GLP2R: variants seen among roughly 807,000 people sequenced by gnomAD.
GLP2R encodes the protein glucagon-like peptide 2 receptor.
In GLP2R, 59 loss-of-function variants were observed where a neutral mutation model predicts 68.2. The observed-to-expected ratio is 0.87, with a 90% CI of 0.70 to 1.07. The LOEUF (loss-of-function observed/expected upper bound fraction) is 1.07. GLP2R is among the 50% of genes least tolerant of loss of function. The pLI is 0.00. For missense variants in GLP2R, 548 were observed against 677.4 expected (o/e 0.81, Z 2.12); for synonymous variants, 270 against 265.4 (o/e 1.02, Z -0.17).
At chr17:9,850,782 C>A (rs914949802) in intron 4 of GLP2R, among the ~76,000 whole-genome samples, 4 of 151,000 alleles carry the variant, frequency 2.6e-5, no homozygotes, top group South Asian at 2.1e-4. Flanking sequence ...CAACCTCCAC[C>A]TCCAGGGTTC....
intron 1 of GLP2R, among the ~76,000 whole-genome samples, chr17:9,828,066 G>A (rs73976628): frequency 0.12 from 18,461 of 151,786 alleles, 1,253 homozygotes; most frequent in East Asian, 0.26. Context: ...CAATCCCCAT[G>A]TAGGGCAGGC....
rs764516620 is a variant in GLP2R at position 9,873,556 on chromosome 17, C to CTCTT, written c.1145+2722_1145+2723insCTTT. Among the ~76,000 whole-genome samples, 9 of 52,062 alleles carry CTCTT rather than the reference C, an allele frequency of 1.7e-4. No homozygotes were observed. In the Admixed American group the frequency reaches 2.3e-3, roughly 13 times the overall value. The allele number at this position is 52,062 out of a possible 152,430, so 34.2% of individuals were successfully genotyped here. A position where few individuals can be genotyped will look rare whatever the true frequency, so the allele number is the denominator to read the frequency against. ...GGATATCACAAAAACTATGCATGGA[C>CTCTT]TTTTTTTTTTTTTTTTTTTTTTTAG... On this transcript the variant is annotated intron_variant, in intron 10 of 12. Coordinates refer to ENST00000262441, the MANE Select transcript of GLP2R (RefSeq NM_004246.3).
chr17:9,873,775 G>A (rs2067119584), intron 10 of GLP2R, among the ~76,000 whole-genome samples: 1 of 152,034 alleles, frequency 6.6e-6, no homozygotes, highest in Admixed American at 6.5e-5. Flanking sequence ...TAATGAATAA[G>A]CATTAGTTAA....
chr17:9,873,602 T>C (rs1036220444), intron 10 of GLP2R, among the ~76,000 whole-genome samples: 2 of 140,428 alleles, frequency 1.4e-5, no homozygotes, highest in African/African-American at 5.2e-5. Flanking sequence ...ATTGTTAGTG[T>C]TAGTTTATTT....
In GLP2R at chr17:9,854,587, C is replaced by T; in HGVS notation, c.597C>T (p.Leu199=). ...SLISLFLALT[L]LLFLRKLHCT... ...TCTCCCTCTTCCTGGCTCTCACCCT[C>T]CTCTTGTTTCTTCGGTGAGTAGAAC... The change falls in exon 5 of 13, where the codon CTC becomes CTT. Residue 199 remains leucine (L), a synonymous_variant. Transcript: ENST00000262441. 2.5e-6 allele frequency: 4 copies of T among 1,595,928 alleles called. No individual in the cohort carries two copies. The highest frequency in any genetic ancestry group is 3.4e-6 in the Non-Finnish European group (4 of 1,163,412).
At chr17:9,866,106 G>T (rs2067034526) in intron 9 of GLP2R, 2 of 333,808 alleles carry the variant, frequency 6.0e-6, no homozygotes, top group Admixed American at 4.2e-5. Flanking sequence ...TGTCCCACCA[G>T]ACATGGAAGG....
chr17:9,877,049 G>C (rs1215935248), intron 10 of GLP2R, among the ~76,000 whole-genome samples: 1 of 152,176 alleles, frequency 6.6e-6, no homozygotes, highest in Non-Finnish European at 1.5e-5. Flanking sequence ...TTTGCCCACA[G>C]TCATAGCACT....
chr17:9,882,612 G>A (rs150871223), intron 11 of GLP2R, among the ~76,000 whole-genome samples: 49 of 152,336 alleles, frequency 3.2e-4, no homozygotes, highest in African/African-American at 1.2e-3. Context: ...AACTTTGAAT[G>A]TGTTCCCCAA....
chr17:9,853,805 C>A (rs2066912709), intron 4 of GLP2R, among the ~76,000 whole-genome samples: 1 of 152,088 alleles, frequency 6.6e-6, no homozygotes, highest in South Asian at 2.1e-4. Flanking sequence ...TAAAATAATG[C>A]CAATTCTACA....
intron 4 of GLP2R, among the ~76,000 whole-genome samples, chr17:9,845,750 T>C (rs1180755793): frequency 5.8e-5 from 5 of 85,916 alleles, no homozygotes; most frequent in South Asian, 3.2e-4. Context: ...TGTGTGTGCG[T>C]GTGTGTGTGT....
In GLP2R at chr17:9,843,819, C is replaced by G. The variant is rs144731263; in HGVS notation, c.504+1203C>G. Among the ~76,000 whole-genome samples, 488 of 152,322 alleles carry G rather than the reference C, an allele frequency of 3.2e-3. 4 individuals carry two copies. The highest frequency in any genetic ancestry group is 0.011 in the African/African-American group (470 of 41,566). On this transcript the variant is annotated intron_variant, in intron 4 of 12. Coordinates refer to ENST00000262441, the MANE Select transcript of GLP2R (RefSeq NM_004246.3). ...TTCTTTCATTCCGATGGTCAGGCCA[C>G]AAACAGTAATGAAGCATATACGATG...
At position 9,836,457 on chromosome 17, in the gene GLP2R, T is replaced by C. The variant is rs929050253; in HGVS notation, c.364T>C (p.Leu122=). ...TGTCTCTGTACCCTGCCCTTCATAC[T>C]TACCTTGGTGGAGTGAAGGTAATAA... ...GNVSVPCPSY[L]PWWSEESSGR... is the part of the protein sequence containing the mutation. The change falls in exon 3 of 13, where the codon TTA becomes CTA. Residue 122 remains leucine (L), a synonymous_variant. Transcript: ENST00000262441. 9 of 1,601,354 alleles carry C rather than the reference T, an allele frequency of 5.6e-6. No individual in the cohort carries two copies. Among genetic ancestry groups the C allele is most frequent in the Non-Finnish European group, 7.7e-6 (9 of 1,168,418 alleles).
chr17:9,870,999 G>A (rs1185000086), intron 10 of GLP2R, among the ~76,000 whole-genome samples, 164 bp downstream of exon 10: 4 of 152,130 alleles, frequency 2.6e-5, no homozygotes, highest in Admixed American at 2.0e-4. Flanking sequence ...TGTCAATGGT[G>A]AGGACCTTCT....
intron 11 of GLP2R, among the ~76,000 whole-genome samples, chr17:9,880,761 G>A (rs1206361908): frequency 1.3e-5 from 2 of 152,214 alleles, no homozygotes; most frequent in Non-Finnish European, 2.9e-5. Flanking sequence ...AATAGTTGGT[G>A]TGACTCATGA....
chr17:9,832,385 C>T (rs922218875), intron 1 of GLP2R, among the ~76,000 whole-genome samples: 6 of 152,128 alleles, frequency 3.9e-5, no homozygotes, highest in African/African-American at 1.4e-4. Context: ...CCAAGCTGAT[C>T]AACGTGGTGA....
chr17:9,862,382 G>T (rs1193827072), intron 9 of GLP2R, among the ~76,000 whole-genome samples: 1 of 152,186 alleles, frequency 6.6e-6, no homozygotes, highest in African/African-American at 2.4e-5. Flanking sequence ...AAGGCCCTGA[G>T]GATACCAATG....
chr17:9,867,640 C>A (rs375373122), intron 9 of GLP2R, among the ~76,000 whole-genome samples: 2 of 152,200 alleles, frequency 1.3e-5, no homozygotes, highest in African/African-American at 4.8e-5. Context: ...TTGATTAGTC[C>A]TGCTCAAGGA....
chr17:9,855,682 G>A (rs7213071), intron 5 of GLP2R, among the ~76,000 whole-genome samples: 42,307 of 152,124 alleles, frequency 0.28, 9,751 homozygotes, highest in African/African-American at 0.62. Context: ...TTCTATTCCT[G>A]GGAGGTTAGC....
intron 4 of GLP2R, among the ~76,000 whole-genome samples, chr17:9,850,160 A>C (rs1372727290): frequency 6.6e-6 from 1 of 152,190 alleles, no homozygotes; most frequent in Non-Finnish European, 1.5e-5. Context: ...GAAGCTTCTC[A>C]TAAAGGTGTC....
Sources: allele counts gnomAD v4.1 joint callset (sites outside exome capture counted in the v4.1 genomes callset), GRCh38; gene constraint gnomAD v4.1.1; transcripts MANE v1.5; gene names NCBI Gene and HGNC (gene_info 2026-07-23, HGNC 2026-07-21).